Variants in PEAK1 observed in about 807,000 individuals in gnomAD.
The protein encoded by PEAK1 is pseudopodium enriched atypical kinase 1.
In PEAK1, 54 loss-of-function variants were observed where a neutral mutation model predicts 124.7. The ratio of observed to expected loss-of-function variants is 0.43; its 90% CI spans 0.35 to 0.54. The LOEUF (loss-of-function observed/expected upper bound fraction) is 0.54. Ranked by LOEUF, PEAK1 falls within the 20% of genes least tolerant of loss-of-function variation. The pLI, the probability that PEAK1 is intolerant of heterozygous loss-of-function variation, is 0.01. For missense variants in PEAK1, 2,046 were observed against 2,134.5 expected (o/e 0.96, Z 0.82); for synonymous variants, 719 against 760.0 (o/e 0.95, Z 0.89).
At chr15:77,151,868 A>G (rs1165573189) in intron 8 of PEAK1, among the ~76,000 whole-genome samples, 1 of 152,118 alleles carries the variant, frequency 6.6e-6, no homozygotes, top group East Asian at 1.9e-4. Context: ...CCATTGATCT[A>G]TATCTCTGTT....
At chr15:77,236,811 T>G (rs946665213) in intron 6 of PEAK1, among the ~76,000 whole-genome samples, 4 of 152,134 alleles carry the variant, frequency 2.6e-5, no homozygotes, top group African/African-American at 9.7e-5. Context: ...ATCGGGGCAG[T>G]TTCCCCCATG....
chr15:77,209,227 T>C (rs1472263686), intron 6 of PEAK1, among the ~76,000 whole-genome samples: 1 of 152,202 alleles, frequency 6.6e-6, no homozygotes, highest in Non-Finnish European at 1.5e-5. Context: ...AGAGAGGATA[T>C]AGAAAGTCCA....
At chr15:77,213,179 G>C (rs1477330642) in intron 6 of PEAK1, among the ~76,000 whole-genome samples, 2 of 152,008 alleles carry the variant, frequency 1.3e-5, no homozygotes, top group Non-Finnish European at 2.9e-5. Context: ...AAAGGAAATA[G>C]AAAAAGACAT....
At chr15:77,398,912 T>C (rs1234600320) in intron 1 of PEAK1, among the ~76,000 whole-genome samples, 21 of 152,080 alleles carry the variant, frequency 1.4e-4, no homozygotes, top group Admixed American at 1.3e-4. Context: ...TTCAGTAAAG[T>C]TGTAGGATAC....
intron 8 of PEAK1, among the ~76,000 whole-genome samples, chr15:77,140,078 G>C (rs920585634): frequency 1.3e-5 from 2 of 151,994 alleles, no homozygotes; most frequent in African/African-American, 4.8e-5. Flanking sequence ...TCTATAATAA[G>C]GAAAGAAATT....
At chr15:77,403,481 A>G (rs1486807780) in intron 1 of PEAK1, 3 of 943,050 alleles carry the variant, frequency 3.2e-6, no homozygotes, top group Non-Finnish European at 3.8e-6. Context: ...ATTCCAGTAA[A>G]GAACTTAAAT....
intron 9 of PEAK1, 39 bp from the exon 10 acceptor site, chr15:77,115,358 T>A: frequency 6.4e-7 from 1 of 1,551,636 alleles, no homozygotes; most frequent in Non-Finnish European, 8.8e-7. Flanking sequence ...CACACTCTCA[T>A]AACCAGGTTT....
intron 1 of PEAK1, among the ~76,000 whole-genome samples, chr15:77,391,759 G>C (rs751759689): frequency 9.2e-5 from 14 of 152,188 alleles, no homozygotes; most frequent in Non-Finnish European, 2.1e-4. Flanking sequence ...GCCAACTCGT[G>C]ACATTGTATA....
chr15:77,336,130 G>C, intron 2 of PEAK1: 1 of 985,302 alleles, frequency 1.0e-6, no homozygotes, highest in Non-Finnish European at 1.2e-6. Flanking sequence ...GAAGCAAAGG[G>C]GTCTCTCCAA....
chr15:77,352,434 C>T, intron 2 of PEAK1: 1 of 985,290 alleles, frequency 1.0e-6, no homozygotes, highest in Non-Finnish European at 1.2e-6. Flanking sequence ...ACACGCACCA[C>T]TAGGCCTGAA....
rs1031827709 is a variant in PEAK1, at chr15:77,133,766, A to G, written c.3332-16T>C. 1 of 1,528,368 alleles carries G rather than the reference A, an allele frequency of 6.5e-7. No homozygotes were observed. Among genetic ancestry groups the G allele is most frequent in the East Asian group, 2.3e-5 (1 of 43,752 alleles). The allele number at this position is 1,528,368 out of a possible 1,614,324, so 94.7% of individuals were successfully genotyped here. On this transcript the variant is annotated splice_polypyrimidine_tract_variant and intron_variant, in intron 8 of 9. Coordinates refer to ENST00000682557, the MANE Select transcript of PEAK1 (RefSeq NM_001385026.1). The surrounding 1 kb of genome is among the most constrained non-coding windows in gnomAD (Gnocchi z 4.2). ...CTAGATTGCCCTGTATTGTTTTTAAAGCAATAAAAAGAAAAGAGTAAGTAA... is the reference window on the plus strand; with the variant it reads ...CTAGATTGCCCTGTATTGTTTTTAAGGCAATAAAAAGAAAAGAGTAAGTAA...
chr15:77,215,348 CT>C (rs2059101605), intron 6 of PEAK1, among the ~76,000 whole-genome samples: 1 of 152,126 alleles, frequency 6.6e-6, no homozygotes, highest in Admixed American at 6.5e-5. Flanking sequence ...TTTTAATTGT[CT>C]TTCGAAAAGC....
At position 77,180,239 on chromosome 15, in the gene PEAK1, T is replaced by C. The variant is rs749061235; in HGVS notation, c.1688A>G (p.Lys563Arg). ...SGTGPNVPPR[K>R]NCHKSAPTSP... is the part of the protein sequence containing the mutation. ...TGTAGGTGCTGATTTGTGACAGTTTTTCCTTGGAGGAACATTTGGTCCAGT... is the reference window on the plus strand; with the variant it reads ...TGTAGGTGCTGATTTGTGACAGTTTCTCCTTGGAGGAACATTTGGTCCAGT... The change falls in exon 7 of 10, where the codon AAA becomes AGA. Residue 563 changes from lysine (K) to arginine (R), a missense_variant. By Grantham distance (26) the Lys-to-Arg change is conservative. Coordinates refer to ENST00000682557, the MANE Select transcript of PEAK1 (RefSeq NM_001385026.1). 1.2e-6 allele frequency: 2 copies of C among 1,614,242 alleles called. No homozygotes were observed. The highest frequency in any genetic ancestry group is 2.2e-5 in the South Asian group (2 of 91,080).
chr15:77,398,240 T>G (rs1438611685), intron 1 of PEAK1, among the ~76,000 whole-genome samples: 1 of 152,106 alleles, frequency 6.6e-6, no homozygotes, highest in Non-Finnish European at 1.5e-5. Context: ...GAGGAATGCT[T>G]CCAAACTCAT....
intron 1 of PEAK1, among the ~76,000 whole-genome samples, chr15:77,398,215 T>TGAAAGATA (rs1253542666): frequency 1.3e-5 from 2 of 152,118 alleles, no homozygotes; most frequent in African/African-American, 4.8e-5. Context: ...CAAACTATTC[T>TGAAAGATA]GAAAGATAGA....
chr15:77,313,648 ATGTATGTGTGTGTGTG>A (rs1325987926), intron 2 of PEAK1, among the ~76,000 whole-genome samples: 3 of 87,634 alleles, frequency 3.4e-5, no homozygotes, highest in Non-Finnish European at 4.8e-5. Flanking sequence ...GTATGTATGT[ATGTATGTGTGTGTGTG>A]TGTGTGTGTG....
rs117643522 is a variant in PEAK1 at position 77,411,450 on chromosome 15, T to A, written c.-666+8556A>T. Among the ~76,000 whole-genome samples the A allele has an allele frequency of 1.5e-3, 223 of 152,340 alleles. 6 individuals carry two copies. The East Asian group carries it at 0.03, about 20-fold the overall frequency. On this transcript the variant is annotated intron_variant, in intron 1 of 9. Coordinates refer to ENST00000682557, the MANE Select transcript of PEAK1 (RefSeq NM_001385026.1). ...AACCTCCGAAACTAATGTTAACATA[T>A]GGAGAAACTTCTACTGGTTGATAAT... is the stretch of plus-strand genomic sequence containing the variant.
intron 6 of PEAK1, among the ~76,000 whole-genome samples, chr15:77,238,329 A>G (rs1015362707): frequency 6.6e-6 from 1 of 152,010 alleles, no homozygotes; most frequent in African/African-American, 2.4e-5. Context: ...GTCTATCCTC[A>G]GTGTCTCTCA....
chr15:77,169,075 G>A (rs2056326710), intron 7 of PEAK1, among the ~76,000 whole-genome samples: 1 of 152,128 alleles, frequency 6.6e-6, no homozygotes, highest in Non-Finnish European at 1.5e-5. Context: ...GAAAAAAACT[G>A]TTTGAATTAA....
Sources: allele counts gnomAD v4.1 joint callset (sites outside exome capture counted in the v4.1 genomes callset), GRCh38; gene constraint gnomAD v4.1.1; non-coding constraint Gnocchi (gnomAD v3.1); transcripts MANE v1.5; gene names NCBI Gene and HGNC (gene_info 2026-07-23, HGNC 2026-07-21).